The following PRMT3 variants were observed in gnomAD, a reference collection of about 807,000 sequenced individuals.
PRMT3 encodes protein arginine N-methyltransferase 3.
PRMT3 carries 62 observed loss-of-function variants against 71.9 expected under a neutral mutation model. The observed-to-expected ratio is 0.86, with a 90% CI of 0.70 to 1.07. The LOEUF (loss-of-function observed/expected upper bound fraction) is 1.07, where lower values mean the gene tolerates loss of function less well. Among genes scored for constraint, PRMT3 ranks in the 50% least tolerant of loss-of-function variants. The probability of loss-of-function intolerance (pLI) is 0.00; values close to 1 mark genes in which losing one functional copy is unlikely to be tolerated. For missense variants in PRMT3, 663 were observed against 643.0 expected (o/e 1.03, Z -0.34); for synonymous variants, 213 against 220.4 (o/e 0.97, Z 0.30).
intron 13 of PRMT3, among the ~76,000 whole-genome samples, chr11:20,468,472 G>A (rs1326219986): frequency 2.0e-5 from 3 of 152,096 alleles, no homozygotes; most frequent in African/African-American, 4.8e-5. Flanking sequence ...AGGTTCAAGC[G>A]ATCCTCTTGG....
intron 7 of PRMT3, 91 bp downstream of exon 7, chr11:20,397,812 C>CT (rs763794989): frequency 1.3e-4 from 172 of 1,347,368 alleles, no homozygotes; most frequent in South Asian, 4.8e-4. Context: ...TAGGAGACCT[C>CT]TTTTTTTTGG....
chr11:20,401,728 A>G (rs537969527), intron 7 of PRMT3, among the ~76,000 whole-genome samples: 99 of 152,318 alleles, frequency 6.5e-4, no homozygotes, highest in Non-Finnish European at 1.2e-3. Flanking sequence ...AGAGCCCCTA[A>G]CTGCTTAATT....
chr11:20,478,544 A>AG (rs1850852279), intron 13 of PRMT3, among the ~76,000 whole-genome samples: 1 of 152,042 alleles, frequency 6.6e-6, no homozygotes, highest in Non-Finnish European at 1.5e-5. Context: ...AAAAAAAAAA[A>AG]AAAAACTACT....
At chr11:20,481,692 T>A (rs1417827212) in intron 13 of PRMT3, among the ~76,000 whole-genome samples, 1 of 152,146 alleles carries the variant, frequency 6.6e-6, no homozygotes, top group East Asian at 1.9e-4. Flanking sequence ...CTTATTACTT[T>A]GTTTCAAAGG....
At chr11:20,391,634 G>A (rs1391627152) in intron 3 of PRMT3, among the ~76,000 whole-genome samples, 1 of 152,072 alleles carries the variant, frequency 6.6e-6, no homozygotes, top group Non-Finnish European at 1.5e-5. Context: ...GATATAGGGG[G>A]TTTGTATACT....
chr11:20,453,540 AAG>A (rs758995540), intron 11 of PRMT3, among the ~76,000 whole-genome samples: 11 of 151,878 alleles, frequency 7.2e-5, no homozygotes, highest in Non-Finnish European at 1.6e-4. Context: ...TCTCCAGAAC[AAG>A]AGAGTTCTTT....
At chr11:20,441,509 A>G (rs867152011) in intron 10 of PRMT3, among the ~76,000 whole-genome samples, 8 of 151,598 alleles carry the variant, frequency 5.3e-5, no homozygotes, top group Non-Finnish European at 1.0e-4. Flanking sequence ...GGGTTTCACC[A>G]TGTTAGCCAG....
At chr11:20,497,783 CGTTTCT>C (rs1370433152) in intron 15 of PRMT3, among the ~76,000 whole-genome samples, 11 of 152,154 alleles carry the variant, frequency 7.2e-5, no homozygotes, top group African/African-American at 2.7e-4. Context: ...AAGGGGTTCA[CGTTTCT>C]AGCTTAAGGC....
intron 6 of PRMT3, 130 bp from the exon 7 acceptor site, chr11:20,397,447 A>T: frequency 2.3e-6 from 2 of 884,874 alleles, no homozygotes; most frequent in Non-Finnish European, 3.5e-6. Flanking sequence ...TCAGTTGTTC[A>T]AGATAGAATG....
At chr11:20,407,604 G>A (rs1849098880) in intron 8 of PRMT3, 1 of 194,908 alleles carries the variant, frequency 5.1e-6, no homozygotes, top group African/African-American at 2.3e-5. Context: ...CAAAGTAGTA[G>A]CCTTTCAACA....
intron 15 of PRMT3, 71 bp downstream of exon 15, chr11:20,494,325 C>A: frequency 7.8e-7 from 1 of 1,279,620 alleles, no homozygotes; most frequent in Non-Finnish European, 1.1e-6. Flanking sequence ...ATTTTACAGC[C>A]ACTTTTTATG....
intron 13 of PRMT3, among the ~76,000 whole-genome samples, chr11:20,476,575 A>G (rs538704113): frequency 3.5e-4 from 53 of 152,324 alleles, no homozygotes; most frequent in African/African-American, 1.1e-3. Context: ...CCCAAACCCA[A>G]AATAAAGGAA....
intron 11 of PRMT3, among the ~76,000 whole-genome samples, chr11:20,452,505 A>G (rs1008311481): frequency 2.0e-5 from 3 of 152,174 alleles, no homozygotes; most frequent in Admixed American, 2.0e-4. Context: ...ACTCAAATCT[A>G]ACAAACTCCT....
At chr11:20,498,288 C>T (rs984554606) in intron 15 of PRMT3, among the ~76,000 whole-genome samples, 5 of 152,110 alleles carry the variant, frequency 3.3e-5, no homozygotes, top group Non-Finnish European at 5.9e-5. Flanking sequence ...AGCTACACAT[C>T]GAAGAAACTC....
intron 10 of PRMT3, among the ~76,000 whole-genome samples, chr11:20,440,531 A>G (rs1257918558): frequency 6.6e-6 from 1 of 150,866 alleles, no homozygotes; most frequent in African/African-American, 2.4e-5. Context: ...ATTGGACTGG[A>G]CTACATCAAA....
rs756365701 is a variant in PRMT3 at position 20,387,970 on chromosome 11, G to A, written c.29-49G>A. 14 of 1,611,040 alleles carry A rather than the reference G, an allele frequency of 8.7e-6. No individual in the cohort carries two copies. Among genetic ancestry groups the A allele is most frequent in the Admixed American group, 8.3e-5 (5 of 59,896 alleles). On this transcript the variant is annotated intron_variant, in intron 1 of 15. Transcript: ENST00000331079. The surrounding 1 kb of genome is among the most constrained non-coding windows in gnomAD (Gnocchi z 4.3). ...TCGTCACCTGCTCCTCGAGCCCCCGGGCCGCACCGGTGTCCGAGGCCGATC... is the reference window on the plus strand; with the variant it reads ...TCGTCACCTGCTCCTCGAGCCCCCGAGCCGCACCGGTGTCCGAGGCCGATC...
intron 9 of PRMT3, 106 bp from the exon 10 acceptor site, chr11:20,426,660 C>G: frequency 8.7e-7 from 1 of 1,147,350 alleles, no homozygotes; most frequent in African/African-American, 1.6e-5. Flanking sequence ...GATTGAAATA[C>G]TTTTTTGTCC....
chr11:20,436,503 T>C (rs2133365566), intron 10 of PRMT3, among the ~76,000 whole-genome samples: 1 of 152,318 alleles, frequency 6.6e-6, no homozygotes, highest in Non-Finnish European at 1.5e-5. Flanking sequence ...TGAAGGGATG[T>C]TGAATTTTAT....
At chr11:20,438,016 C>T (rs1477013510) in intron 10 of PRMT3, among the ~76,000 whole-genome samples, 1 of 152,260 alleles carries the variant, frequency 6.6e-6, no homozygotes, top group East Asian at 1.9e-4. Context: ...CAAGCAGCAG[C>T]AGTGGTGCTT....
Sources: gnomAD v4.1 joint callset for allele counts (sites outside exome capture counted in the v4.1 genomes callset) on GRCh38, gnomAD v4.1.1 for gene constraint, Gnocchi (gnomAD v3.1) non-coding constraint, MANE v1.5 for transcripts, NCBI Gene and HGNC (gene_info 2026-07-23, HGNC 2026-07-21) for gene names.